The following SLFN12L variants were observed in gnomAD, a reference collection of about 807,000 sequenced individuals.
SLFN12L encodes the protein schlafen family member 12 like, also known as schlafen family member 12-like.
SLFN12L carries 34 observed loss-of-function variants against 34.8 expected under a neutral mutation model. That is an observed-to-expected ratio of 0.98 (90% confidence interval 0.74 to 1.30). The LOEUF is 1.30. Among genes scored for constraint, SLFN12L ranks in the 50% most tolerant of loss-of-function variants. The pLI is 0.00. For missense variants in SLFN12L, 703 were observed against 696.2 expected, an observed-to-expected ratio of 1.01 and a Z score of -0.11; for synonymous variants, 259 against 247.5, an observed-to-expected ratio of 1.05 and a Z score of -0.44.
chr17:35,511,906 C>T (rs1915658283), intron 2 of SLFN12L, among the ~76,000 whole-genome samples: 1 of 152,128 alleles, frequency 6.6e-6, no homozygotes, highest in Non-Finnish European at 1.5e-5. Flanking sequence ...GGCACTAATA[C>T]ATATTTTCCA....
intron 2 of SLFN12L, among the ~76,000 whole-genome samples, chr17:35,521,893 C>A (rs571678381): frequency 6.6e-6 from 1 of 151,852 alleles, no homozygotes; most frequent in Admixed American, 6.6e-5. Context: ...AAAAATGACC[C>A]GAGTCGGTTT....
chr17:35,493,617 A>G (rs1257216796), intron 2 of SLFN12L, among the ~76,000 whole-genome samples: 3 of 152,222 alleles, frequency 2.0e-5, no homozygotes, highest in African/African-American at 7.2e-5. Flanking sequence ...TCCATACTGT[A>G]TTTTGTTTGC....
chr17:35,498,356 G>C (rs1035104591), intron 2 of SLFN12L: 68 of 1,028,074 alleles, frequency 6.6e-5, no homozygotes, highest in Admixed American at 2.9e-4. Flanking sequence ...CCAATCTCAC[G>C]GTACACAGAG....
chr17:35,512,245 C>T (rs1342429041), intron 2 of SLFN12L, among the ~76,000 whole-genome samples: 3 of 131,126 alleles, frequency 2.3e-5, no homozygotes, highest in Admixed American at 7.8e-5. Flanking sequence ...AGCTCCGCCT[C>T]CCGGGTTCAC....
chr17:35,515,162 C>T, intron 2 of SLFN12L: 1 of 623,380 alleles, frequency 1.6e-6, no homozygotes, highest in Admixed American at 1.8e-5. Context: ...AATACTCCAG[C>T]GGCGATGGCT....
rs1914671120 is a variant in SLFN12L, at chr17:35,488,007, G to C, written c.87-7812C>G. On this transcript the variant is annotated intron_variant, in intron 2 of 4. Transcript: ENST00000628453. ...GTGGATCACCAGCTTAGGAGATAGA[G>C]ACCATCCTGGCTAACATGGTGAAAA... The C allele has an allele frequency of 3.4e-5, 22 of 650,400 alleles. No individual in the cohort carries two copies. In the South Asian group the frequency reaches 3.4e-4, roughly 10 times the overall value. The allele number at this position is 650,400 out of a possible 1,614,324, so 40.3% of individuals were successfully genotyped here. A position where few individuals can be genotyped will look rare whatever the true frequency, so the allele number is the denominator to read the frequency against.
At chr17:35,494,352 G>A (rs1914960871) in intron 2 of SLFN12L, among the ~76,000 whole-genome samples, 1 of 151,954 alleles carries the variant, frequency 6.6e-6, no homozygotes, top group African/African-American at 2.4e-5. Context: ...CTTTTGTATG[G>A]TAAAGGATCA....
chr17:35,481,727 C>G (rs1567650402), intron 2 of SLFN12L, among the ~76,000 whole-genome samples: 1 of 152,214 alleles, frequency 6.6e-6, no homozygotes, highest in Non-Finnish European at 1.5e-5. Context: ...TTTCTTATAT[C>G]TCTTTGTCCT....
intron 2 of SLFN12L, among the ~76,000 whole-genome samples, chr17:35,488,513 C>G (rs2142138165): frequency 6.6e-6 from 1 of 152,274 alleles, no homozygotes; most frequent in East Asian, 1.9e-4. Context: ...ACGTTGCTTT[C>G]GTGGGGCCCT....
intron 2 of SLFN12L, chr17:35,498,191 C>CCGGGGCCGCCTGGGGAGT (rs534066587): frequency 5.8e-6 from 4 of 687,920 alleles, no homozygotes; most frequent in Non-Finnish European, 1.1e-5. Flanking sequence ...GCGTGGGGAG[C>CCGGGGCCGCCTGGGGAGT]CGGGGCCGCC....
Position 35,522,443 on chromosome 17 carries a change from G to A in SLFN12L, c.-79C>T. 6.2e-7 allele frequency: 1 copy of A among 1,614,082 alleles called. No homozygotes were observed. Among genetic ancestry groups the A allele is most frequent in the Non-Finnish European group, 8.5e-7 (1 of 1,179,976 alleles). On this transcript the variant is annotated 5_prime_UTR_variant, in exon 2 of 5. Transcript: ENST00000628453. ...ATTCTCTGTTCTTGTGGAAGCTTCTGGAGAATATCTCATACTGCTGGGCTG... is the reference window on the plus strand; with the variant it reads ...ATTCTCTGTTCTTGTGGAAGCTTCTAGAGAATATCTCATACTGCTGGGCTG...
chr17:35,494,228 T>TAAAAA (rs3087170), intron 2 of SLFN12L, among the ~76,000 whole-genome samples: 1 of 149,100 alleles, frequency 6.7e-6, no homozygotes, highest in African/African-American at 2.5e-5. Flanking sequence ...TAATATAATG[T>TAAAAA]AAAAAAAAAA....
rs1915193502 is a variant in SLFN12L at position 35,498,907 on chromosome 17, C to G, written c.87-18712G>C. 5.6e-6 allele frequency: 4 copies of G among 714,920 alleles called. No individual in the cohort carries two copies. The South Asian group carries it at 5.9e-5, about 11-fold the overall frequency. The allele number at this position is 714,920 out of a possible 1,614,324, so 44.3% of individuals were successfully genotyped here. ...TTGGAGGCCCCTGATATGCCCAGCC[C>G]TATTCTGCAGAACGATGCTGCCCTG... On this transcript the variant is annotated intron_variant, in intron 2 of 4. Transcript: ENST00000628453.
At chr17:35,498,472 C>T (rs1915177352) in intron 2 of SLFN12L, 2 of 1,224,702 alleles carry the variant, frequency 1.6e-6, no homozygotes, top group Non-Finnish European at 2.4e-6. Flanking sequence ...GATTCTGATT[C>T]CCCGCATAGC....
intron 2 of SLFN12L, chr17:35,490,331 A>G (rs1914785088): frequency 2.8e-6 from 4 of 1,409,040 alleles, no homozygotes; most frequent in Admixed American, 3.4e-5. Context: ...AAAAACTCCA[A>G]AATCTACCTC....
rs1914792705 is a variant in SLFN12L at position 35,490,488 on chromosome 17, A to G, written c.87-10293T>C. On this transcript the variant is annotated intron_variant, in intron 2 of 4. Transcript: ENST00000628453. ...ATAGAAGGATTTATGATATCACCAA[A>G]GCTCTGAAAGGCATCCATCTCATTA... 5 of 946,502 alleles carry G rather than the reference A, an allele frequency of 5.3e-6. No homozygotes were observed. The Admixed American group carries it at 8.5e-5, about 16-fold the overall frequency. 58.6% of individuals were successfully genotyped at this position (946,502 alleles called of 1,614,324 possible).
intron 1 of SLFN12L, among the ~76,000 whole-genome samples, chr17:35,530,653 T>G (rs1380137104): frequency 6.6e-6 from 1 of 151,826 alleles, no homozygotes; most frequent in African/African-American, 2.4e-5. Context: ...ATCTGACAAA[T>G]GGAGTAAAAG....
rs142543595 is a variant in SLFN12L, at chr17:35,504,936, G to A, written c.86+17343C>T. On this transcript the variant is annotated intron_variant, in intron 2 of 4. Coordinates refer to ENST00000628453, the MANE Select transcript of SLFN12L (RefSeq NM_001363830.2). ...GTGGTACTTGTACTTTAGTCCAGTT[G>A]GCTATCCCTTTCACCCTGGCATTTC... Among the ~76,000 whole-genome samples, 1,222 of 152,246 alleles carry A rather than the reference G, an allele frequency of 8.0e-3. 17 individuals are homozygous for A. The highest frequency in any genetic ancestry group is 0.027 in the African/African-American group (1,117 of 41,530).
Position 35,522,438 on chromosome 17 carries a change from C to A in SLFN12L, c.-74G>T. On this transcript the variant is annotated 5_prime_UTR_variant, in exon 2 of 5. Coordinates refer to ENST00000628453, the MANE Select transcript of SLFN12L (RefSeq NM_001363830.2). ...AAACAATTCTCTGTTCTTGTGGAAG[C>A]TTCTGGAGAATATCTCATACTGCTG... The A allele has an allele frequency of 6.2e-7, 1 of 1,614,082 alleles. No individual in the cohort carries two copies.
Sources: allele counts gnomAD v4.1 joint callset (sites outside exome capture counted in the v4.1 genomes callset), GRCh38; gene constraint gnomAD v4.1.1; transcripts MANE v1.5; gene names NCBI Gene and HGNC (gene_info 2026-07-23, HGNC 2026-07-21).